MYCBP2: variants seen among roughly 807,000 people sequenced by gnomAD.
MYCBP2 encodes the protein E3 ubiquitin-protein ligase MYCBP2.
Under a neutral mutation model 525.3 loss-of-function variants are expected in MYCBP2, and 120 were observed. The ratio of observed to expected loss-of-function variants is 0.23; its 90% CI spans 0.20 to 0.27. The LOEUF (loss-of-function observed/expected upper bound fraction) is 0.27. MYCBP2 is among the 10% of genes least tolerant of loss of function. The pLI is 1.00. For synonymous variants in MYCBP2, 1,894 were observed against 1,955.8 expected, an observed-to-expected ratio of 0.97 and a Z score of 0.83; for missense variants, 4,149 against 5,657.1, an observed-to-expected ratio of 0.73 and a Z score of 8.55.
chr13:77,236,892 TAAATA>T (rs1283702767), intron 17 of MYCBP2, among the ~76,000 whole-genome samples: 1 of 151,740 alleles, frequency 6.6e-6, no homozygotes, highest in Non-Finnish European at 1.5e-5. Context: ...AATAAATAAA[TAAATA>T]AAAGAATAAT....
At chr13:77,109,280 A>C (rs2048379952) in intron 55 of MYCBP2, among the ~76,000 whole-genome samples, 2 of 152,168 alleles carry the variant, frequency 1.3e-5, no homozygotes, top group Admixed American at 1.3e-4. Flanking sequence ...TCAGATCATC[A>C]GGCATTAGAT....
chr13:77,320,296 G>A (rs528008253), intron 1 of MYCBP2, among the ~76,000 whole-genome samples: 1 of 152,244 alleles, frequency 6.6e-6, no homozygotes, highest in South Asian at 2.1e-4. Context: ...CTGAAAGCGG[G>A]ATCTGAAAGC....
chr13:77,200,589 G>C (rs542558300), intron 26 of MYCBP2, among the ~76,000 whole-genome samples: 3 of 152,158 alleles, frequency 2.0e-5, no homozygotes, highest in Non-Finnish European at 4.4e-5. Flanking sequence ...GCACATAATT[G>C]TCAGATTTAC....
Position 77,078,855 on chromosome 13 carries a change from T to C in MYCBP2, c.11453A>G (p.Lys3818Arg). ...KVTSMTFLTGKAVEDLCRIKQ... is the reference protein window; with the variant it reads ...KVTSMTFLTGRAVEDLCRIKQ... ...TATTCTGCACAAATCTTCTACTGCT[T>C]TGCCAGTTAAGAAGGTCATTGAGGT... The change falls in exon 66 of 83, where the codon AAA (lysine) becomes AGA (arginine). Residue 3818 changes from lysine (K) to arginine (R), a missense_variant. By Grantham distance (26) the Lys-to-Arg change is conservative (BLOSUM62 2). Transcript: ENST00000544440. 1.2e-6 allele frequency: 2 copies of C among 1,613,726 alleles called. No individual in the cohort carries two copies. Among genetic ancestry groups the C allele is most frequent in the Non-Finnish European group, 1.7e-6 (2 of 1,179,714 alleles).
chr13:77,232,634 T>C (rs1016706090), intron 18 of MYCBP2, among the ~76,000 whole-genome samples: 2 of 152,214 alleles, frequency 1.3e-5, no homozygotes, highest in African/African-American at 4.8e-5. Flanking sequence ...TGCACTTATC[T>C]CTACTTAACC....
chr13:77,266,627 C>T lies in MYCBP2; in HGVS notation c.1357+1214G>A, dbSNP rs1371274465. ...GATTTTTATACAACAAACATGATTA[C>T]TTTCAATATATGTATAAATATGTGG... On this transcript the variant is annotated intron_variant, in intron 8 of 82. Transcript: ENST00000544440. 4.7e-5 allele frequency among the ~76,000 whole-genome samples: 7 copies of T among 150,054 alleles called. No homozygotes were observed. The South Asian group carries it at 8.3e-4, about 18-fold the overall frequency.
At position 77,083,206 on chromosome 13, in the gene MYCBP2, T is replaced by G; in HGVS notation, c.10876-14A>C. ...TGTATCTTTCTCCTAAGGCAGAAAT[T>G]GAAACAAGTTTATCAGTTTGTGTGC... On this transcript the variant is annotated splice_polypyrimidine_tract_variant and intron_variant, in intron 62 of 82. Coordinates refer to ENST00000544440, the MANE Select transcript of MYCBP2 (RefSeq NM_015057.5). 1 of 1,609,294 alleles carries G rather than the reference T, an allele frequency of 6.2e-7. No individual in the cohort carries two copies. The highest frequency in any genetic ancestry group is 8.5e-7 in the Non-Finnish European group (1 of 1,177,382).
intron 30 of MYCBP2, 75 bp downstream of exon 30, chr13:77,188,876 G>C (rs2061016402): frequency 2.2e-6 from 2 of 926,290 alleles, no homozygotes; most frequent in African/African-American, 1.7e-5. Context: ...ACTTACAAGA[G>C]CAGCTAAACT....
At chr13:77,182,199 C>T (rs1179573711) in intron 32 of MYCBP2, among the ~76,000 whole-genome samples, 1 of 152,184 alleles carries the variant, frequency 6.6e-6, no homozygotes, top group Non-Finnish European at 1.5e-5. Context: ...CATATCCTCA[C>T]AATCACAGTA....
At chr13:77,150,387 C>T (rs982373232) in intron 47 of MYCBP2, among the ~76,000 whole-genome samples, 1 of 152,112 alleles carries the variant, frequency 6.6e-6, no homozygotes, top group African/African-American at 2.4e-5. Flanking sequence ...AGTGATGTTC[C>T]CTCCTTGGCC....
intron 47 of MYCBP2, among the ~76,000 whole-genome samples, chr13:77,147,510 T>G (rs548518289): frequency 6.6e-6 from 1 of 152,238 alleles, no homozygotes; most frequent in South Asian, 2.1e-4. Context: ...CATCTACTTC[T>G]AACTCCTCCT....
chr13:77,276,375 T>C (rs1390050737), intron 4 of MYCBP2, among the ~76,000 whole-genome samples: 1 of 151,978 alleles, frequency 6.6e-6, no homozygotes, highest in Admixed American at 6.6e-5. Flanking sequence ...AAGATTGTGA[T>C]ATTAGATTAA....
chr13:77,198,206 T>C (rs2061974645), intron 26 of MYCBP2, among the ~76,000 whole-genome samples: 1 of 152,218 alleles, frequency 6.6e-6, no homozygotes, highest in Admixed American at 6.5e-5. Flanking sequence ...ATTATCAAAA[T>C]ATATGTGCTA....
rs756460150 is a variant in MYCBP2, at chr13:77,144,583, T to C, written c.7188-23A>G. The C allele has an allele frequency of 3.3e-6, 5 of 1,522,166 alleles. No homozygotes were observed. In the East Asian group the frequency reaches 6.8e-5, roughly 21 times the overall value. The allele number at this position is 1,522,166 out of a possible 1,614,324, so 94.3% of individuals were successfully genotyped here. On this transcript the variant is annotated intron_variant, in intron 48 of 82. Transcript: ENST00000544440. ...GGTCTGAAAAGAAATAAGATGGATA[T>C]TGGAAATTTTACTTTTGGTTAAGCA...
chr13:77,326,482 T>A lies in MYCBP2; in HGVS notation c.294A>T (p.Pro98=). 6.3e-7 allele frequency: 1 copy of A among 1,576,076 alleles called. No homozygotes were observed. Among genetic ancestry groups the A allele is most frequent in the South Asian group, 1.1e-5 (1 of 88,370 alleles). The change falls in exon 1 of 83, where the codon CCA becomes CCT. Residue 98 remains proline (P), a synonymous_variant. Coordinates refer to ENST00000544440, the MANE Select transcript of MYCBP2 (RefSeq NM_015057.5). The surrounding 1 kb of genome is among the most constrained non-coding windows in gnomAD (Gnocchi z 4.2). ...RDQGGGSAGH[P]ASRNKKILNK... ...GCACCCTGGGGACGCACCTGGAGGC[T>A]GGGTGTCCAGCGCTGCCGCCCCCCT...
intron 62 of MYCBP2, among the ~76,000 whole-genome samples, chr13:77,084,751 C>A (rs547220919): frequency 6.6e-6 from 1 of 152,126 alleles, no homozygotes; most frequent in Non-Finnish European, 1.5e-5. Context: ...CAATTCATTT[C>A]CACTGCTAGA....
At chr13:77,174,589 G>T in intron 36 of MYCBP2, 100 bp from the exon 37 acceptor site, 1 of 854,250 alleles carries the variant, frequency 1.2e-6, no homozygotes, top group Non-Finnish European at 1.8e-6. Context: ...GAAATTCTTT[G>T]TCATATTTAC....
At chr13:77,294,129 T>TATATATATATATATATATAA in intron 2 of MYCBP2, among the ~76,000 whole-genome samples, 2 of 26,138 alleles carry the variant, frequency 7.7e-5, no homozygotes, top group Non-Finnish European at 2.2e-4. Context: ...TATATATATA[T>TATATATATATATATATATAA]ACATATATAT....
chr13:77,095,098 T>C (rs760546608), intron 58 of MYCBP2, among the ~76,000 whole-genome samples: 2 of 152,198 alleles, frequency 1.3e-5, no homozygotes, highest in African/African-American at 2.4e-5. Flanking sequence ...GAGTAAAAGA[T>C]AGCTATAGTC....
Sources: gnomAD v4.1 joint callset for allele counts (sites outside exome capture counted in the v4.1 genomes callset) on GRCh38, gnomAD v4.1.1 for gene constraint, Gnocchi (gnomAD v3.1) non-coding constraint, MANE v1.5 for transcripts, NCBI Gene and HGNC (gene_info 2026-07-23, HGNC 2026-07-21) for gene names.